SLC6A11: variants seen among roughly 807,000 people sequenced by gnomAD.
SLC6A11 encodes sodium- and chloride-dependent GABA transporter 3.
SLC6A11 carries 25 observed loss-of-function variants against 74.8 expected under a neutral mutation model. The ratio of observed to expected loss-of-function variants is 0.33; its 90% confidence interval spans 0.24 to 0.47. SLC6A11 has a LOEUF of 0.47. Ranked by LOEUF, SLC6A11 falls within the 20% of genes least tolerant of loss-of-function variation. SLC6A11 has a pLI of 1.00. For synonymous variants in SLC6A11, 330 were observed against 330.2 expected, an observed-to-expected ratio of 1.00 and a Z score of 0.01; for missense variants, 574 against 837.0, an observed-to-expected ratio of 0.69 and a Z score of 3.88.
intron 4 of SLC6A11, among the ~76,000 whole-genome samples, chr3:10,842,879 C>A (rs187223437): frequency 6.6e-6 from 1 of 152,244 alleles, no homozygotes; most frequent in East Asian, 1.9e-4. Context: ...TGGAGGGAGC[C>A]TGTAGATGAG....
chr3:10,878,667 C>T (rs968953563), intron 6 of SLC6A11, among the ~76,000 whole-genome samples: 1 of 151,874 alleles, frequency 6.6e-6, no homozygotes, highest in Non-Finnish European at 1.5e-5. Context: ...CCCACCTTGG[C>T]CTCCCAAAGT....
At chr3:10,907,106 A>G (rs1695313960) in intron 6 of SLC6A11, among the ~76,000 whole-genome samples, 1 of 152,242 alleles carries the variant, frequency 6.6e-6, no homozygotes, top group East Asian at 1.9e-4. Flanking sequence ...CTGAAAGTTA[A>G]TATTTCAAAA....
intron 7 of SLC6A11, among the ~76,000 whole-genome samples, chr3:10,914,544 G>A (rs564541147): frequency 3.3e-5 from 5 of 152,258 alleles, no homozygotes; most frequent in South Asian, 2.1e-4. Context: ...CCATCAGGCC[G>A]CCGTGAGTTC....
chr3:10,873,728 C>A (rs1167237392), intron 5 of SLC6A11, among the ~76,000 whole-genome samples: 2 of 150,318 alleles, frequency 1.3e-5, no homozygotes, highest in Non-Finnish European at 2.9e-5. Context: ...CTATCCTATC[C>A]TATCCCGTCC....
Position 10,816,255 on chromosome 3 carries a change from C to G in SLC6A11, c.-11C>G, listed in dbSNP as rs983022917. On this transcript the variant is annotated 5_prime_UTR_variant, in exon 1 of 14. Coordinates refer to ENST00000254488, the MANE Select transcript of SLC6A11 (RefSeq NM_014229.3). The surrounding 1 kb of genome is among the most constrained non-coding windows in gnomAD (Gnocchi z 4.2). ...AGAGCCGGGCCGGCGCACGAGGCAGCCAGCGCGGCCATGACGGCGGAGAAG... is the reference window on the plus strand; with the variant it reads ...AGAGCCGGGCCGGCGCACGAGGCAGGCAGCGCGGCCATGACGGCGGAGAAG... 8.4e-6 allele frequency: 11 copies of G among 1,315,776 alleles called. No homozygotes were observed. The highest frequency in any genetic ancestry group is 7.8e-5 in the African/African-American group (5 of 64,162). 81.5% of individuals were successfully genotyped at this position (1,315,776 alleles called of 1,614,324 possible). A position where few individuals can be genotyped will look rare whatever the true frequency, so the allele number is the denominator to read the frequency against.
At chr3:10,881,662 CAT>C (rs367892890) in intron 6 of SLC6A11, among the ~76,000 whole-genome samples, 8 of 152,198 alleles carry the variant, frequency 5.3e-5, no homozygotes, top group African/African-American at 1.7e-4. Context: ...TCTCTGCAAA[CAT>C]GTGTGGGGTT....
chr3:10,938,120 TG>T, intron 13 of SLC6A11, 129 bp from the exon 14 acceptor site: 3 of 821,258 alleles, frequency 3.7e-6, no homozygotes, highest in Non-Finnish European at 5.5e-6. Context: ...GGGGCCAAGC[TG>T]GGGCCCGGAC....
intron 5 of SLC6A11, among the ~76,000 whole-genome samples, chr3:10,863,767 G>T (rs1428853556): frequency 6.6e-6 from 1 of 152,146 alleles, no homozygotes; most frequent in Non-Finnish European, 1.5e-5. Flanking sequence ...GAAAGCAAAG[G>T]TTTGCAGGCA....
intron 6 of SLC6A11, among the ~76,000 whole-genome samples, chr3:10,876,888 G>A (rs1219992939): frequency 2.0e-5 from 3 of 152,108 alleles, no homozygotes; most frequent in African/African-American, 4.8e-5. Flanking sequence ...GTATTAAGTA[G>A]TGGAGAGCAC....
chr3:10,888,626 A>G (rs915173412), intron 6 of SLC6A11, among the ~76,000 whole-genome samples: 1 of 152,250 alleles, frequency 6.6e-6, no homozygotes, highest in African/African-American at 2.4e-5. Context: ...CCACGCAGTG[A>G]GAGTACAGGG....
intron 9 of SLC6A11, among the ~76,000 whole-genome samples, chr3:10,927,890 G>C (rs973916497): frequency 1.3e-5 from 2 of 152,216 alleles, no homozygotes; most frequent in Non-Finnish European, 2.9e-5. Flanking sequence ...TTCCCAAAAA[G>C]GTGGCTGGCA....
intron 6 of SLC6A11, among the ~76,000 whole-genome samples, chr3:10,895,193 G>T (rs779745224): frequency 6.6e-6 from 1 of 152,184 alleles, no homozygotes; most frequent in African/African-American, 2.4e-5. Flanking sequence ...TAATGCAAGA[G>T]AATCCACTCA....
chr3:10,823,873 A>T (rs562306203), intron 4 of SLC6A11: 1 of 165,584 alleles, frequency 6.0e-6, no homozygotes, highest in African/African-American at 2.4e-5. Context: ...GTGCGTAGGG[A>T]AGAACTTGGT....
intron 6 of SLC6A11, among the ~76,000 whole-genome samples, chr3:10,902,730 T>A (rs1402644365): frequency 6.6e-6 from 1 of 152,238 alleles, no homozygotes; most frequent in East Asian, 1.9e-4. Flanking sequence ...TGGCTAGAGC[T>A]ATCTTGTTTA....
At position 10,918,537 on chromosome 3, in the gene SLC6A11, C is replaced by T. The variant is rs910727711; in HGVS notation, c.1120+84C>T. The T allele has an allele frequency of 2.5e-5, 37 of 1,466,858 alleles. No homozygotes were observed. Among genetic ancestry groups the T allele is most frequent in the Admixed American group, 2.0e-4 (9 of 44,004 alleles). The allele number at this position is 1,466,858 out of a possible 1,614,324, so 90.9% of individuals were successfully genotyped here. Reference sequence around the variant, plus strand: ...ATCATGGAAATGCGATCTTCCTCCTCGGCTCACACATCTCCTGGATTCAGG... The same window carrying T: ...ATCATGGAAATGCGATCTTCCTCCTTGGCTCACACATCTCCTGGATTCAGG... On this transcript the variant is annotated intron_variant, in intron 8 of 13. Transcript: ENST00000254488. This position sits in a 1 kb window ranked among gnomAD's most constrained non-coding sequence, Gnocchi z 4.5.
chr3:10,912,499 C>T (rs1330485452), intron 7 of SLC6A11, among the ~76,000 whole-genome samples: 2 of 152,242 alleles, frequency 1.3e-5, no homozygotes, highest in African/African-American at 2.4e-5. Flanking sequence ...GTGACTTGCC[C>T]CAGTCACAGA....
At chr3:10,911,936 TA>T (rs2106625684) in intron 6 of SLC6A11, among the ~76,000 whole-genome samples, 153 bp from the exon 7 acceptor site, 1 of 152,320 alleles carries the variant, frequency 6.6e-6, no homozygotes, top group East Asian at 1.9e-4. Context: ...AGAACTCTTT[TA>T]AAGGGGGTCC....
chr3:10,827,837 CT>C (rs1694235481), intron 4 of SLC6A11, among the ~76,000 whole-genome samples: 1 of 152,170 alleles, frequency 6.6e-6, no homozygotes, highest in South Asian at 2.1e-4. Flanking sequence ...GGCACCTGGC[CT>C]GCCCACTCCC....
intron 8 of SLC6A11, among the ~76,000 whole-genome samples, chr3:10,924,939 C>T (rs541838708): frequency 6.6e-6 from 1 of 152,154 alleles, no homozygotes; most frequent in Non-Finnish European, 1.5e-5. Context: ...TTTCTTAGAA[C>T]GTTAAACATA....
Sources: gnomAD v4.1 joint callset for allele counts (sites outside exome capture counted in the v4.1 genomes callset) on GRCh38, gnomAD v4.1.1 for gene constraint, Gnocchi (gnomAD v3.1) non-coding constraint, MANE v1.5 for transcripts, NCBI Gene and HGNC (gene_info 2026-07-23, HGNC 2026-07-21) for gene names.